Variants in ARGFX observed in about 807,000 individuals in gnomAD.
The protein encoded by ARGFX is arginine-fifty homeobox.
In ARGFX, 10 loss-of-function variants were observed where a neutral mutation model predicts 8.0. The ratio of observed to expected loss-of-function variants is 1.25; its 90% CI spans 0.77 to 2.12. The LOEUF (loss-of-function observed/expected upper bound fraction) is 2.12. Ranked by LOEUF, ARGFX falls within the 30% of genes most tolerant of loss-of-function variation. The probability of loss-of-function intolerance (pLI) is 0.00; values close to 1 mark genes in which losing one functional copy is unlikely to be tolerated. For missense variants in ARGFX, 282 were observed against 324.3 expected (o/e 0.87, Z 1.00); for synonymous variants, 116 against 117.8 (o/e 0.98, Z 0.10).
intron 1 of ARGFX, among the ~76,000 whole-genome samples, chr3:121,568,666 T>C (rs986558149): frequency 6.6e-6 from 1 of 152,200 alleles, no homozygotes; most frequent in African/African-American, 2.4e-5. Context: ...AGATCTCATG[T>C]CTCTTCATCT....
chr3:121,585,892 T>C, intron 4 of ARGFX, 130 bp from the exon 5 acceptor site: 1 of 855,850 alleles, frequency 1.2e-6, no homozygotes, highest in East Asian at 2.6e-5. Context: ...TCTCTGCTTT[T>C]GCAGAGCCCA....
At chr3:121,583,627 A>G (rs528297157) in intron 3 of ARGFX, among the ~76,000 whole-genome samples, 1 of 151,788 alleles carries the variant, frequency 6.6e-6, no homozygotes, top group Non-Finnish European at 1.5e-5. Context: ...TCCTGGCTCA[A>G]GCAATCCTCC....
intron 2 of ARGFX, 59 bp from the exon 3 acceptor site, chr3:121,576,705 CTTTTTCTTTCTTTCTTTCTT>C (rs2048738470): frequency 9.0e-6 from 2 of 223,022 alleles, no homozygotes; most frequent in Non-Finnish European, 1.6e-5. Context: ...CTCTTTCTTT[CTTTTTCTTTCTTTCTTTCTT>C]TCTTTCTTTC....
rs531892411 is a variant in ARGFX, at chr3:121,586,021, G to C, written c.370-1G>C. On this transcript the variant is annotated splice_acceptor_variant, in intron 4 of 4. Coordinates refer to ENST00000334384, the MANE Select transcript of ARGFX (RefSeq NM_001012659.2). LOFTEE classifies it high-confidence loss of function. ...ATCTCCCCCTCTTCCCCTACTCCCAGGTTTGGTTCAGGAACCGGCGATTCA... is the reference window on the plus strand; with the variant it reads ...ATCTCCCCCTCTTCCCCTACTCCCACGTTTGGTTCAGGAACCGGCGATTCA... 6.4e-7 allele frequency: 1 copy of C among 1,565,540 alleles called. No individual in the cohort carries two copies. The highest frequency in any genetic ancestry group is 2.2e-5 in the East Asian group (1 of 44,630).
At chr3:121,577,222 TG>T (rs2048744105) in intron 3 of ARGFX, among the ~76,000 whole-genome samples, 1 of 116,882 alleles carries the variant, frequency 8.6e-6, no homozygotes, top group Non-Finnish European at 1.6e-5. Flanking sequence ...TATATCTACA[TG>T]TACATATATA....
chr3:121,568,251 T>G (rs956582642), intron 1 of ARGFX, among the ~76,000 whole-genome samples: 3 of 152,212 alleles, frequency 2.0e-5, no homozygotes, highest in Admixed American at 2.0e-4. Context: ...TTGTCAGTTC[T>G]GCAGGGCTCC....
chr3:121,580,000 T>G (rs1374425551), intron 3 of ARGFX, among the ~76,000 whole-genome samples: 1 of 137,332 alleles, frequency 7.3e-6, no homozygotes, highest in East Asian at 2.3e-4. Flanking sequence ...TTATCCAAGC[T>G]GGAGTGCAGT....
intron 3 of ARGFX, among the ~76,000 whole-genome samples, chr3:121,583,538 A>G (rs11706902): frequency 0.28 from 41,890 of 151,020 alleles, 6,153 homozygotes; most frequent in East Asian, 0.61. Flanking sequence ...TCAACCTCCC[A>G]GGCTCAGGCA....
chr3:121,568,686 T>G (rs537280915), intron 1 of ARGFX, among the ~76,000 whole-genome samples: 19 of 152,310 alleles, frequency 1.2e-4, no homozygotes, highest in Non-Finnish European at 2.2e-4. Flanking sequence ...TTTAAGAGGT[T>G]GATAATAATT....
At position 121,589,512 on chromosome 3, in the gene ARGFX, G is replaced by C. The variant is rs527601919; in HGVS notation, c.*2912G>C. Among the ~76,000 whole-genome samples, 32 of 152,212 alleles carry C rather than the reference G, an allele frequency of 2.1e-4. No homozygotes were observed. The South Asian group carries it at 6.2e-3, about 30-fold the overall frequency. ...CTGCTTTAGCCTCCCAAGTAGCTGG[G>C]ACTACAGGTGTACGCCACCACACCC... On this transcript the variant is annotated 3_prime_UTR_variant, in exon 5 of 5. Transcript: ENST00000334384.
At chr3:121,581,942 A>T (rs781160863) in intron 3 of ARGFX, among the ~76,000 whole-genome samples, 2 of 152,082 alleles carry the variant, frequency 1.3e-5, no homozygotes, top group Non-Finnish European at 2.9e-5. Flanking sequence ...AACTAGCCAC[A>T]TTTCCCATGA....
chr3:121,568,706 C>T (rs2048688324), intron 1 of ARGFX, among the ~76,000 whole-genome samples: 1 of 152,112 alleles, frequency 6.6e-6, no homozygotes, highest in Non-Finnish European at 1.5e-5. Flanking sequence ...TGTCCATTAC[C>T]CCATGTGTTT....
chr3:121,571,695 C>CTGGGACTA (rs2048708928), intron 2 of ARGFX, among the ~76,000 whole-genome samples: 1 of 148,916 alleles, frequency 6.7e-6, no homozygotes, highest in Non-Finnish European at 1.5e-5. Context: ...TCCCAGGTAG[C>CTGGGACTA]TGGGACTACA....
intron 2 of ARGFX, among the ~76,000 whole-genome samples, chr3:121,571,755 T>C (rs28619898): frequency 7.9e-5 from 9 of 114,344 alleles, no homozygotes; most frequent in African/African-American, 2.7e-4. Context: ...TTTTTTTTTT[T>C]GTATTTTTAG....
At chr3:121,583,594 C>T (rs1418400743) in intron 3 of ARGFX, among the ~76,000 whole-genome samples, 1 of 151,754 alleles carries the variant, frequency 6.6e-6, no homozygotes, top group Admixed American at 6.6e-5. Context: ...CGGTGACAAT[C>T]ATGGTTCACT....
chr3:121,582,496 A>C (rs997021546), intron 3 of ARGFX, among the ~76,000 whole-genome samples: 2 of 152,208 alleles, frequency 1.3e-5, no homozygotes, highest in Non-Finnish European at 2.9e-5. Flanking sequence ...ATATGAACTG[A>C]AAAAATAAGA....
At chr3:121,573,418 C>T (rs2048719649) in intron 2 of ARGFX, among the ~76,000 whole-genome samples, 2 of 151,456 alleles carry the variant, frequency 1.3e-5, no homozygotes, top group African/African-American at 2.4e-5. Context: ...GAGACAGAGA[C>T]TGCAGCAGAG....
intron 4 of ARGFX, 85 bp downstream of exon 4, chr3:121,585,150 G>C: frequency 7.0e-7 from 1 of 1,427,770 alleles, no homozygotes; most frequent in South Asian, 1.3e-5. Context: ...CTCTACCCCT[G>C]CCCCACAATA....
intron 3 of ARGFX, among the ~76,000 whole-genome samples, chr3:121,580,768 C>A (rs1350944696): frequency 6.6e-6 from 1 of 151,198 alleles, no homozygotes; most frequent in African/African-American, 2.4e-5. Context: ...CCACACCTGG[C>A]TAATTTTTTG....
Sources: gnomAD v4.1 joint callset for allele counts (sites outside exome capture counted in the v4.1 genomes callset) on GRCh38, gnomAD v4.1.1 for gene constraint, MANE v1.5 for transcripts, NCBI Gene and HGNC (gene_info 2026-07-23, HGNC 2026-07-21) for gene names.